CHEK1: variants seen among roughly 807,000 people sequenced by gnomAD.
CHEK1 encodes serine/threonine-protein kinase Chk1.
In CHEK1, 32 loss-of-function variants were observed where a neutral mutation model predicts 60.2. The observed-to-expected ratio is 0.53, with a 90% CI of 0.40 to 0.71. CHEK1 has a LOEUF of 0.71. Among genes scored for constraint, CHEK1 ranks in the 30% least tolerant of loss-of-function variants. The pLI, the probability that CHEK1 is intolerant of heterozygous loss-of-function variation, is 0.00. For missense variants in CHEK1, 399 were observed against 564.6 expected, an observed-to-expected ratio of 0.71 and a Z score of 2.97; for synonymous variants, 179 against 187.2, an observed-to-expected ratio of 0.96 and a Z score of 0.36.
chr11:125,629,083 T>A, intron 3 of CHEK1, 149 bp from the exon 4 acceptor site: 1 of 673,008 alleles, frequency 1.5e-6, no homozygotes, highest in Non-Finnish European at 2.6e-6. Flanking sequence ...TTAAGCCCCA[T>A]ATGTGTTAGT....
At chr11:125,669,616 C>T (rs1454673391) in intron 13 of CHEK1, among the ~76,000 whole-genome samples, 2 of 150,680 alleles carry the variant, frequency 1.3e-5, no homozygotes, top group Admixed American at 1.3e-4. Context: ...CTCCGCCTCC[C>T]GGGTTTAAGT....
intron 1 of CHEK1, 137 bp from the exon 2 acceptor site, chr11:125,626,610 CTT>C: frequency 1.4e-6 from 1 of 700,388 alleles, no homozygotes; most frequent in Non-Finnish European, 2.5e-6. Flanking sequence ...GGTTGAAAGA[CTT>C]GGATAAATGT....
At chr11:125,650,959 G>A in intron 11 of CHEK1, among the ~76,000 whole-genome samples, 1 of 152,140 alleles carries the variant, frequency 6.6e-6, no homozygotes, top group East Asian at 1.9e-4. Flanking sequence ...CTATCTGCTT[G>A]TGCAAAATGC....
chr11:125,677,734 C>T, downstream of CHEK1: 1 of 1,593,190 alleles, frequency 6.3e-7, no homozygotes, highest in Non-Finnish European at 8.6e-7. Context: ...ATTGGGTTTT[C>T]TTGATGTGTT....
chr11:125,673,350 G>A (rs1343918939), intron 13 of CHEK1, among the ~76,000 whole-genome samples: 5 of 151,724 alleles, frequency 3.3e-5, no homozygotes, highest in Non-Finnish European at 5.9e-5. Context: ...GATTACAGGC[G>A]CACCACCACA....
chr11:125,661,881 G>A (rs1019270209), downstream of CHEK1, among the ~76,000 whole-genome samples: 5 of 152,168 alleles, frequency 3.3e-5, no homozygotes, highest in African/African-American at 9.7e-5. Flanking sequence ...GCATGTAGTT[G>A]TAAGAGTTAA....
At position 125,656,199 on chromosome 11, in the gene CHEK1, A is replaced by C; in HGVS notation, c.*879A>C. On this transcript the variant is annotated 3_prime_UTR_variant, in exon 13 of 13. Coordinates refer to ENST00000438015, the MANE Select transcript of CHEK1 (RefSeq NM_001114122.3). ...ATAAAATTTGTATCAACTTTGGGGC[A>C]TATTAGGTTGAGGCCTTGGCTCCTG... The C allele has an allele frequency of 4.7e-6, 1 of 211,264 alleles. No individual in the cohort carries two copies. Among genetic ancestry groups the C allele is most frequent in the Non-Finnish European group, 9.6e-6 (1 of 104,156 alleles). 13.1% of individuals were successfully genotyped at this position (211,264 alleles called of 1,614,324 possible).
intron 1 of CHEK1, 145 bp from the exon 2 acceptor site, chr11:125,626,604 G>T: frequency 1.5e-6 from 1 of 680,350 alleles, no homozygotes; most frequent in Non-Finnish European, 2.6e-6. Context: ...GTTCGTGGTT[G>T]AAAGACTTGG....
At chr11:125,670,946 A>AT (rs1176029758) in intron 13 of CHEK1, among the ~76,000 whole-genome samples, 16 of 150,168 alleles carry the variant, frequency 1.1e-4, no homozygotes, top group Admixed American at 8.6e-4. Flanking sequence ...CTACCCTTAA[A>AT]TTTTTTTTTT....
In CHEK1 at chr11:125,653,354, G is replaced by A. The variant is rs1469917372; in HGVS notation, c.1234-392G>A. ...CTCAGCCCCCTGAGTAGCTGGGCCT[G>A]TAGGCATGCACCACCATGCCCGCTA... On this transcript the variant is annotated intron_variant, in intron 11 of 12. Coordinates refer to ENST00000438015, the MANE Select transcript of CHEK1 (RefSeq NM_001114122.3). This position sits in a 1 kb window ranked among gnomAD's most constrained non-coding sequence, Gnocchi z 4.3. Among the ~76,000 whole-genome samples the A allele has an allele frequency of 1.3e-5, 2 of 152,060 alleles. No individual in the cohort carries two copies. Among genetic ancestry groups the A allele is most frequent in the Non-Finnish European group, 2.9e-5 (2 of 68,026 alleles).
At chr11:125,633,522 A>G (rs1487265061) in intron 6 of CHEK1, among the ~76,000 whole-genome samples, 171 bp downstream of exon 6, 1 of 152,158 alleles carries the variant, frequency 6.6e-6, no homozygotes, top group Non-Finnish European at 1.5e-5. Flanking sequence ...GTTATAGCTC[A>G]CTGCAGCCTC....
chr11:125,642,602 C>T (rs994331371), intron 8 of CHEK1, among the ~76,000 whole-genome samples: 2 of 151,870 alleles, frequency 1.3e-5, no homozygotes, highest in South Asian at 2.1e-4. Flanking sequence ...GGTTTGGGTA[C>T]GGATCCTGTA....
rs1941868992 is a variant in CHEK1 at position 125,655,183 on chromosome 11, TTTTTG to T, written c.1336-36_1336-32del. ...ATTTTAGGACAGAATTTTGTTTTTGTTTTTGTTTTGACATAATTTTTTAATACTAT... is the reference window on the plus strand; with the variant it reads ...ATTTTAGGACAGAATTTTGTTTTTGTTTTTGACATAATTTTTTAATACTAT... On this transcript the variant is annotated intron_variant, in intron 12 of 12. Transcript: ENST00000438015. The T allele has an allele frequency of 3.3e-6, 5 of 1,497,094 alleles. No individual in the cohort carries two copies. The East Asian group carries it at 9.3e-5, about 28-fold the overall frequency. 92.7% of individuals were successfully genotyped at this position (1,497,094 alleles called of 1,614,324 possible).
chr11:125,659,476 C>T (rs189017415), downstream of CHEK1, among the ~76,000 whole-genome samples: 29 of 151,964 alleles, frequency 1.9e-4, 1 homozygote, highest in African/African-American at 6.5e-4. Context: ...TATAAATTTC[C>T]TAAGTACCAT....
At position 125,644,284 on chromosome 11, in the gene CHEK1, T is replaced by G; in HGVS notation, c.1101+16T>G. The G allele has an allele frequency of 6.3e-7, 1 of 1,593,734 alleles. No homozygotes were observed. Among genetic ancestry groups the G allele is most frequent in the South Asian group, 1.2e-5 (1 of 86,122 alleles). On this transcript the variant is annotated intron_variant, in intron 10 of 12. Coordinates refer to ENST00000438015, the MANE Select transcript of CHEK1 (RefSeq NM_001114122.3). ...ATCCTCACAGGTGAGGGAATTTAAT[T>G]TTTTAAAAGTAATGGCAGCTCTTTA...
intron 5 of CHEK1, among the ~76,000 whole-genome samples, chr11:125,630,752 G>A (rs1940832263): frequency 6.6e-6 from 1 of 152,118 alleles, no homozygotes. Context: ...ATAATGAAAT[G>A]TAAATATATG....
chr11:125,626,415 A>C, intron 1 of CHEK1: 1 of 436,644 alleles, frequency 2.3e-6, no homozygotes, highest in African/African-American at 1.9e-5. Context: ...TCTCTTCCCC[A>C]GACCCCCACC....
chr11:125,658,444 T>C (rs73616044), downstream of CHEK1, among the ~76,000 whole-genome samples: 680 of 152,292 alleles, frequency 4.5e-3, 5 homozygotes, highest in African/African-American at 0.015. Flanking sequence ...TAATTTCAGT[T>C]CTTCATATGT....
chr11:125,638,777 G>C (rs551852567), intron 8 of CHEK1, among the ~76,000 whole-genome samples: 1 of 152,120 alleles, frequency 6.6e-6, no homozygotes, highest in African/African-American at 2.4e-5. Context: ...ATCACAGTCT[G>C]CAAAATGACT....
Sources: gnomAD v4.1 joint callset for allele counts (sites outside exome capture counted in the v4.1 genomes callset) on GRCh38, gnomAD v4.1.1 for gene constraint, Gnocchi (gnomAD v3.1) non-coding constraint, MANE v1.5 for transcripts, NCBI Gene and HGNC (gene_info 2026-07-23, HGNC 2026-07-21) for gene names.